Variants in MYO5A observed in about 807,000 individuals in gnomAD.
The protein encoded by MYO5A is unconventional myosin-Va.
Under a neutral mutation model 249.7 loss-of-function variants are expected in MYO5A, and 98 were observed. The observed-to-expected ratio is 0.39, with a 90% CI of 0.33 to 0.46. The LOEUF (loss-of-function observed/expected upper bound fraction) is 0.46, where lower values mean the gene tolerates loss of function less well. MYO5A is among the 20% of genes least tolerant of loss of function. MYO5A has a pLI of 0.98. For synonymous variants in MYO5A, 778 were observed against 810.6 expected, an observed-to-expected ratio of 0.96 and a Z score of 0.68; for missense variants, 1,696 against 2,308.8, an observed-to-expected ratio of 0.73 and a Z score of 5.44.
chr15:52,498,160 AATT>A (rs2077080627), intron 1 of MYO5A, among the ~76,000 whole-genome samples: 2 of 152,176 alleles, frequency 1.3e-5, no homozygotes, highest in African/African-American at 2.4e-5. Context: ...ACCAAAAATT[AATT>A]ATTTAAGAAG....
intron 18 of MYO5A, 103 bp from the exon 19 acceptor site, chr15:52,376,661 A>T: frequency 8.9e-7 from 1 of 1,126,044 alleles, no homozygotes; most frequent in Non-Finnish European, 1.3e-6. Flanking sequence ...TGACTCTATT[A>T]GCTAAAACTT....
At chr15:52,393,529 G>A (rs2042351282) in intron 11 of MYO5A, among the ~76,000 whole-genome samples, 1 of 152,082 alleles carries the variant, frequency 6.6e-6, no homozygotes, top group Admixed American at 6.5e-5. Context: ...GAGTAGCTGG[G>A]ACTACAGGCG....
intron 14 of MYO5A, 78 bp downstream of exon 14, chr15:52,387,751 T>G (rs1362201803): frequency 1.7e-6 from 2 of 1,158,974 alleles, no homozygotes; most frequent in Non-Finnish European, 2.5e-6. Flanking sequence ...CAGATTTTTG[T>G]TAAAAAAATC....
chr15:52,526,380 A>ATTTTTTTTTTTTTTTTTTTT, intron 1 of MYO5A, among the ~76,000 whole-genome samples: 1 of 151,628 alleles, frequency 6.6e-6, no homozygotes, highest in South Asian at 2.1e-4. Flanking sequence ...TTATTTATTT[A>ATTTTTTTTTTTTTTTTTTTT]TTTATTTTTT....
intron 1 of MYO5A, among the ~76,000 whole-genome samples, chr15:52,454,197 A>G (rs961100722): frequency 6.6e-6 from 1 of 152,134 alleles, no homozygotes; most frequent in African/African-American, 2.4e-5. Context: ...GGAAACCAAA[A>G]AAGAGTAGGA....
At chr15:52,499,789 A>G (rs1460229004) in intron 1 of MYO5A, among the ~76,000 whole-genome samples, 1 of 152,226 alleles carries the variant, frequency 6.6e-6, no homozygotes, top group Non-Finnish European at 1.5e-5. Context: ...TGCTACTGTG[A>G]ACACAGATGT....
At chr15:52,346,049 A>T (rs866472523) in intron 30 of MYO5A, among the ~76,000 whole-genome samples, 5 of 152,216 alleles carry the variant, frequency 3.3e-5, no homozygotes, top group Admixed American at 3.3e-4. Context: ...GAAAGTGACT[A>T]CCTAAGATTG....
chr15:52,366,799 G>A (rs573871082), intron 23 of MYO5A, among the ~76,000 whole-genome samples: 39 of 152,004 alleles, frequency 2.6e-4, no homozygotes, highest in African/African-American at 9.2e-4. Flanking sequence ...TGACTGAACC[G>A]GAGTTCACAT....
chr15:52,464,154 C>T (rs1399053619), intron 1 of MYO5A, among the ~76,000 whole-genome samples: 1 of 152,304 alleles, frequency 6.6e-6, no homozygotes, highest in East Asian at 1.9e-4. Flanking sequence ...AACCACTACA[C>T]AGTTTTGTCG....
At chr15:52,368,407 C>A (rs1437701089) in intron 22 of MYO5A, among the ~76,000 whole-genome samples, 1 of 152,108 alleles carries the variant, frequency 6.6e-6, no homozygotes, top group East Asian at 1.9e-4. Context: ...TGTGCCTAGC[C>A]CACACTCCCA....
chr15:52,360,657 A>G (rs1039302737), intron 24 of MYO5A, among the ~76,000 whole-genome samples: 2 of 152,180 alleles, frequency 1.3e-5, no homozygotes, highest in Non-Finnish European at 2.9e-5. Context: ...AAGCTGCTCT[A>G]GTAATCCTCT....
At chr15:52,480,058 C>A (rs1187124336) in intron 1 of MYO5A, among the ~76,000 whole-genome samples, 1 of 152,178 alleles carries the variant, frequency 6.6e-6, no homozygotes. Flanking sequence ...CTCTCCCAAA[C>A]CCTACATCCC....
chr15:52,474,043 G>T (rs1364113854), intron 1 of MYO5A, among the ~76,000 whole-genome samples: 1 of 151,942 alleles, frequency 6.6e-6, no homozygotes, highest in Non-Finnish European at 1.5e-5. Flanking sequence ...GTTCTTCCAT[G>T]TTTGTGTCCT....
intron 1 of MYO5A, among the ~76,000 whole-genome samples, chr15:52,504,258 T>C (rs1358494515): frequency 6.6e-6 from 1 of 152,140 alleles, no homozygotes; most frequent in Admixed American, 6.5e-5. Flanking sequence ...TTCTCCCATA[T>C]TATTGAAACT....
chr15:52,402,035 T>C (rs973124257), intron 9 of MYO5A, among the ~76,000 whole-genome samples: 3 of 152,152 alleles, frequency 2.0e-5, no homozygotes, highest in African/African-American at 7.3e-5. Flanking sequence ...GATTTTTGAC[T>C]GTGAGTCAAT....
intron 23 of MYO5A, among the ~76,000 whole-genome samples, chr15:52,366,552 G>A (rs2040814421): frequency 2.2e-5 from 3 of 135,144 alleles, no homozygotes; most frequent in African/African-American, 8.1e-5. Flanking sequence ...TATCTAGTTA[G>A]TTCTCTATTT....
chr15:52,380,569 C>T (rs2041683982), intron 16 of MYO5A, among the ~76,000 whole-genome samples: 1 of 152,034 alleles, frequency 6.6e-6, no homozygotes, highest in Non-Finnish European at 1.5e-5. Context: ...CAGTTTGAGA[C>T]CAGCCTGGCC....
intron 5 of MYO5A, among the ~76,000 whole-genome samples, chr15:52,415,622 T>C (rs780560118): frequency 2.0e-5 from 3 of 152,126 alleles, no homozygotes; most frequent in Non-Finnish European, 4.4e-5. Flanking sequence ...GTAGTTCAAA[T>C]CTGGAAAAAA....
chr15:52,330,708 T>C (rs545776070), intron 34 of MYO5A, among the ~76,000 whole-genome samples: 1 of 152,318 alleles, frequency 6.6e-6, no homozygotes, highest in African/African-American at 2.4e-5. Flanking sequence ...TGAAAGCCAC[T>C]CCTGCCTAAC....
Sources: gnomAD v4.1 joint callset for allele counts (sites outside exome capture counted in the v4.1 genomes callset) on GRCh38, gnomAD v4.1.1 for gene constraint, MANE v1.5 for transcripts, NCBI Gene and HGNC (gene_info 2026-07-23, HGNC 2026-07-21) for gene names.